The following CACNA1E variants were observed in gnomAD, a reference collection of about 807,000 sequenced individuals.
The protein encoded by CACNA1E is voltage-dependent R-type calcium channel subunit alpha-1E.
Under a neutral mutation model 259.2 loss-of-function variants are expected in CACNA1E, and 40 were observed. The observed-to-expected ratio is 0.15, with a 90% CI of 0.12 to 0.20. The LOEUF (loss-of-function observed/expected upper bound fraction) is 0.20. CACNA1E is among the 10% of genes least tolerant of loss of function. CACNA1E has a pLI of 1.00. For missense variants in CACNA1E, 1,874 were observed against 3,040.1 expected (o/e 0.62, Z 9.02); for synonymous variants, 1,104 against 1,138.5 (o/e 0.97, Z 0.61).
chr1:181,603,091 C>T (rs1653892994), intron 6 of CACNA1E, among the ~76,000 whole-genome samples: 1 of 152,122 alleles, frequency 6.6e-6, no homozygotes, highest in African/African-American at 2.4e-5. Context: ...GTAAATGAAT[C>T]TTAAAACCTA....
intron 7 of CACNA1E, among the ~76,000 whole-genome samples, chr1:181,709,700 T>G (rs1360055923): frequency 1.3e-5 from 2 of 152,152 alleles, no homozygotes; most frequent in Non-Finnish European, 2.9e-5. Context: ...TGATCACAGC[T>G]CACTGTAACC....
chr1:181,626,227 G>A lies in CACNA1E; in HGVS notation c.952-25111G>A, dbSNP rs150329136. Among the ~76,000 whole-genome samples the A allele has an allele frequency of 3.4e-3, 519 of 152,268 alleles. 5 individuals carry two copies. The highest frequency in any genetic ancestry group is 0.012 in the African/African-American group (490 of 41,550). ...AAAATGTGACACAGAAACACGAAGC[G>A]AGCATGTGCTGTTGGAAAAATAGCA... On this transcript the variant is annotated intron_variant, in intron 6 of 47. Transcript: ENST00000367573.
At chr1:181,697,163 C>G (rs964877619) in intron 7 of CACNA1E, among the ~76,000 whole-genome samples, 1 of 152,062 alleles carries the variant, frequency 6.6e-6, no homozygotes, top group African/African-American at 2.4e-5. Context: ...ATAACAAAAG[C>G]AGGGGAGGAA....
Position 181,635,523 on chromosome 1 carries a change from G to A in CACNA1E, c.952-15815G>A, listed in dbSNP as rs987586616. On this transcript the variant is annotated intron_variant, in intron 6 of 47. Transcript: ENST00000367573. ...CTAGTTATGATACATCAATGTAGCA[G>A]CTAAAGCTACTCATGGTAGACTTCT... Among the ~76,000 whole-genome samples the A allele has an allele frequency of 3.9e-5, 6 of 152,182 alleles. No individual in the cohort carries two copies. In the South Asian group the frequency reaches 1.2e-3, roughly 32 times the overall value.
intron 3 of CACNA1E, among the ~76,000 whole-genome samples, chr1:181,557,220 A>G (rs903466821): frequency 6.6e-6 from 1 of 152,210 alleles, no homozygotes; most frequent in African/African-American, 2.4e-5. Flanking sequence ...GCTGTGCCGT[A>G]CAAAGTACCT....
intron 7 of CACNA1E, among the ~76,000 whole-genome samples, chr1:181,699,402 C>A (rs1652014234): frequency 6.6e-6 from 1 of 152,150 alleles, no homozygotes; most frequent in African/African-American, 2.4e-5. Flanking sequence ...GGTAATGGGG[C>A]CATTAATTTT....
intron 1 of CACNA1E, among the ~76,000 whole-genome samples, chr1:181,378,895 G>A (rs1655279374): frequency 6.6e-6 from 1 of 152,080 alleles, no homozygotes; most frequent in African/African-American, 2.4e-5. Flanking sequence ...TCAGAACAAG[G>A]CTCACAAATA....
intron 45 of CACNA1E, 86 bp from the exon 46 acceptor site, chr1:181,794,778 C>T (rs1247911438): frequency 3.7e-5 from 46 of 1,258,778 alleles, no homozygotes; most frequent in Admixed American, 7.0e-5. Context: ...CCTTCCTTAA[C>T]GTCTCAGTCT....
At chr1:181,755,873 A>T (rs933899637) in intron 28 of CACNA1E, 83 bp from the exon 29 acceptor site, 234 of 1,366,982 alleles carry the variant, frequency 1.7e-4, no homozygotes, top group Non-Finnish European at 2.3e-4. Flanking sequence ...CCCCCACATT[A>T]TTGCGGCCTG....
intron 6 of CACNA1E, among the ~76,000 whole-genome samples, chr1:181,587,235 T>G (rs1239636458): frequency 6.6e-6 from 1 of 152,082 alleles, no homozygotes; most frequent in Non-Finnish European, 1.5e-5. Flanking sequence ...TGTTGAAAGT[T>G]TGAGAAGGTA....
chr1:181,410,416 G>A (rs1657763401), intron 1 of CACNA1E, among the ~76,000 whole-genome samples: 1 of 152,202 alleles, frequency 6.6e-6, no homozygotes, highest in African/African-American at 2.4e-5. Flanking sequence ...AAGCTCAAAA[G>A]CATTGAGGCC....
rs376421930 is a variant in CACNA1E at position 181,736,339 on chromosome 1, G to A, written c.3327G>A (p.Glu1109=). 31 of 1,608,336 alleles carry A rather than the reference G, an allele frequency of 1.9e-5. No homozygotes were observed. The Admixed American group carries it at 2.9e-4, about 15-fold the overall frequency. The change falls in exon 22 of 48, where the codon GAG becomes GAA. Residue 1109 remains glutamate, a synonymous_variant. Coordinates refer to ENST00000367573, the MANE Select transcript of CACNA1E (RefSeq NM_001205293.3). ...LKEAEIREDE[E]EVEKKKQKKE... ...AGGCAGAGATCAGAGAGGATGAGGA[G>A]GAGGTGGAGAAGAAGAAGCAGAAGA...
intron 1 of CACNA1E, among the ~76,000 whole-genome samples, chr1:181,371,593 G>T (rs1250222953): frequency 2.0e-5 from 3 of 152,100 alleles, no homozygotes; most frequent in African/African-American, 7.2e-5. Context: ...AGTTTAATTA[G>T]GTCCTACTTA....
rs867406686 is a variant in CACNA1E at position 181,549,111 on chromosome 1, C to A, written c.513-28655C>A. Among the ~76,000 whole-genome samples the A allele has an allele frequency of 2.2e-4, 34 of 152,166 alleles. 1 individual carries two copies. Among genetic ancestry groups the A allele is most frequent in the African/African-American group, 8.0e-4 (33 of 41,434 alleles). On this transcript the variant is annotated intron_variant, in intron 3 of 47. Transcript: ENST00000367573. Reference sequence around the variant, plus strand: ...CATTTTACAAATAAAAAAGTCAAAGCCCCATAAAGGAAAGTAGCCTAAAGC... The same window carrying A: ...CATTTTACAAATAAAAAAGTCAAAGACCCATAAAGGAAAGTAGCCTAAAGC...
At chr1:181,578,577 A>C (rs2102971974) in intron 4 of CACNA1E, among the ~76,000 whole-genome samples, 1 of 152,266 alleles carries the variant, frequency 6.6e-6, no homozygotes, top group Admixed American at 6.5e-5. Flanking sequence ...AAAACAAAAA[A>C]ATTCTTATAT....
chr1:181,711,411 T>C (rs974631741), intron 8 of CACNA1E, among the ~76,000 whole-genome samples: 2 of 152,182 alleles, frequency 1.3e-5, no homozygotes, highest in Admixed American at 6.5e-5. Flanking sequence ...CAAATATTTA[T>C]TGAGTGCCTA....
intron 3 of CACNA1E, among the ~76,000 whole-genome samples, chr1:181,518,099 G>A (rs906367178): frequency 6.6e-6 from 1 of 152,156 alleles, no homozygotes; most frequent in African/African-American, 2.4e-5. Flanking sequence ...GGTAGAGGGA[G>A]GAGACATGAG....
chr1:181,541,531 A>G (rs12027152), intron 3 of CACNA1E, among the ~76,000 whole-genome samples: 2,179 of 152,256 alleles, frequency 0.014, 70 homozygotes, highest in East Asian at 0.14. Flanking sequence ...ATTGATGCTC[A>G]TCTCCCAGAT....
intron 1 of CACNA1E, among the ~76,000 whole-genome samples, chr1:181,356,957 G>A (rs974190312): frequency 1.3e-5 from 2 of 152,202 alleles, no homozygotes; most frequent in African/African-American, 4.8e-5. Context: ...GGCTCAGCTA[G>A]AGGGTACAGA....
Sources: allele counts gnomAD v4.1 joint callset (sites outside exome capture counted in the v4.1 genomes callset), GRCh38; gene constraint gnomAD v4.1.1; transcripts MANE v1.5; gene names NCBI Gene and HGNC (gene_info 2026-07-23, HGNC 2026-07-21).